Variants in HS1BP3 observed in about 807,000 individuals in gnomAD.
HS1BP3 encodes the protein HCLS1-binding protein 3.
A neutral mutation model predicts 33.5 loss-of-function variants in HS1BP3; 32 were observed. That is an observed-to-expected ratio of 0.95 (90% CI 0.72 to 1.28). The LOEUF is 1.28. Ranked by LOEUF, HS1BP3 falls within the 50% of genes most tolerant of loss-of-function variation. The probability of loss-of-function intolerance (pLI) is 0.00; values close to 1 mark genes in which losing one functional copy is unlikely to be tolerated. For synonymous variants in HS1BP3, 187 were observed against 209.2 expected, an observed-to-expected ratio of 0.89 and a Z score of 0.92; for missense variants, 486 against 502.3, an observed-to-expected ratio of 0.97 and a Z score of 0.31.
At chr2:20,648,460 G>A (rs1049266157) in intron 1 of HS1BP3, among the ~76,000 whole-genome samples, 3 of 152,138 alleles carry the variant, frequency 2.0e-5, no homozygotes, top group African/African-American at 7.2e-5. Flanking sequence ...GCAGCAGTGG[G>A]CACAGTCAGC....
At chr2:20,627,762 G>A (rs1006658709) in intron 4 of HS1BP3, among the ~76,000 whole-genome samples, 6 of 152,154 alleles carry the variant, frequency 3.9e-5, no homozygotes, top group Admixed American at 2.0e-4. Context: ...GGGGAATCAA[G>A]GAAGAAGCAG....
chr2:20,607,839 G>C (rs150109634), intron 2 of HS1BP3, among the ~76,000 whole-genome samples: 16 of 152,328 alleles, frequency 1.1e-4, no homozygotes, highest in African/African-American at 3.1e-4. Flanking sequence ...GATCTATTTG[G>C]AGATTACTGT....
downstream of HS1BP3, among the ~76,000 whole-genome samples, chr2:20,556,147 T>C (rs528415922): frequency 2.0e-5 from 3 of 152,358 alleles, no homozygotes; most frequent in South Asian, 6.2e-4. Flanking sequence ...TATGCTTAGA[T>C]CTTTATTTCA....
chr2:20,600,557 C>T (rs1475158289), intron 2 of HS1BP3, among the ~76,000 whole-genome samples: 1 of 152,124 alleles, frequency 6.6e-6, no homozygotes, highest in Non-Finnish European at 1.5e-5. Context: ...CAGACATTTG[C>T]GTAACACACA....
chr2:20,577,341 G>A (rs758326272), intron 5 of HS1BP3, among the ~76,000 whole-genome samples: 8 of 152,158 alleles, frequency 5.3e-5, no homozygotes, highest in Non-Finnish European at 1.2e-4. Context: ...AAGACCCAAG[G>A]CTAGTAGGCC....
chr2:20,648,853 C>A (rs756684623), intron 1 of HS1BP3, among the ~76,000 whole-genome samples: 10 of 152,248 alleles, frequency 6.6e-5, no homozygotes, highest in Non-Finnish European at 1.2e-4. Context: ...TGCTAAAGGG[C>A]AGCCTCATTC....
Position 20,593,799 on chromosome 2 carries a change from G to A in HS1BP3, c.*13-1005C>T, listed in dbSNP as rs184051028. The stretch of plus-strand genomic sequence containing the variant: ...GCTGCCCCTGCTGGTCCCTGGAGCC[G>A]CCACGGGGATGGAAGAGTGGGTCCT... On this transcript the variant is annotated intron_variant, in intron 3 of 3. Transcript: ENST00000415264. 4.6e-5 allele frequency among the ~76,000 whole-genome samples: 7 copies of A among 152,280 alleles called. No homozygotes were observed. The South Asian group carries it at 6.2e-4, about 14-fold the overall frequency.
At chr2:20,554,419 C>G in the HS1BP3 span, among the ~76,000 whole-genome samples, 1 of 152,204 alleles carries the variant, frequency 6.6e-6, no homozygotes, top group Admixed American at 6.5e-5. Flanking sequence ...CAAACACGCA[C>G]AAAGCTTAAG....
chr2:20,622,256 A>G, intron 6 of HS1BP3: 6 of 1,304,358 alleles, frequency 4.6e-6, no homozygotes, highest in Non-Finnish European at 6.1e-6. Context: ...GCAGACACAA[A>G]GAATGAATGT....
intron 6 of HS1BP3, among the ~76,000 whole-genome samples, chr2:20,621,394 T>G (rs1287561136): frequency 6.6e-6 from 1 of 152,252 alleles, no homozygotes; most frequent in African/African-American, 2.4e-5. Context: ...GGTGTCCTTC[T>G]TGAACAAACC....
chr2:20,578,189 A>G (rs921476070), intron 5 of HS1BP3, among the ~76,000 whole-genome samples: 2 of 149,758 alleles, frequency 1.3e-5, no homozygotes, highest in Non-Finnish European at 3.0e-5. Context: ...AGAGTGGCAC[A>G]GGGTGGGGGT....
At chr2:20,580,776 TA>T (rs1401253640) in intron 5 of HS1BP3, among the ~76,000 whole-genome samples, 1 of 151,962 alleles carries the variant, frequency 6.6e-6, no homozygotes, top group Non-Finnish European at 1.5e-5. Context: ...AAAGTGGGGG[TA>T]AAAGAAACCC....
In HS1BP3 at chr2:20,638,602, G is replaced by A. The variant is rs1436845715; in HGVS notation, c.457C>T (p.Leu153=). 2.5e-6 allele frequency: 4 copies of A among 1,614,218 alleles called. No individual in the cohort carries two copies. The Admixed American group carries it at 5.0e-5, about 20-fold the overall frequency. Residue 153 remains leucine (L), a synonymous_variant, in exon 4 of 7, where the codon CTG becomes TTG. Coordinates refer to ENST00000304031, the MANE Select transcript of HS1BP3 (RefSeq NM_022460.4). ...AGLTSRDSSV[L]DGTDSQTGND... is the part of the protein sequence containing the mutation. The stretch of plus-strand genomic sequence containing the variant: ...CCTGTCTGACTGTCTGTGCCATCCA[G>A]GACAGAGGAATCTCTGCTGGTGAGC...
downstream of HS1BP3, among the ~76,000 whole-genome samples, chr2:20,615,616 G>T (rs1026891534): frequency 3.3e-5 from 5 of 152,222 alleles, no homozygotes; most frequent in Non-Finnish European, 7.3e-5. Context: ...CATGCTGGTA[G>T]CTCTGTTACC....
At chr2:20,608,041 T>C (rs1414644771) in intron 2 of HS1BP3, among the ~76,000 whole-genome samples, 1 of 152,258 alleles carries the variant, frequency 6.6e-6, no homozygotes, top group Non-Finnish European at 1.5e-5. Flanking sequence ...TTCTTGATTT[T>C]CCTTTTGTAG....
At chr2:20,599,065 A>T (rs1572322457) in intron 2 of HS1BP3, among the ~76,000 whole-genome samples, 1 of 152,124 alleles carries the variant, frequency 6.6e-6, no homozygotes, top group Admixed American at 6.5e-5. Flanking sequence ...GGAGCCCACA[A>T]CCTCAGCACC....
intron 2 of HS1BP3, among the ~76,000 whole-genome samples, chr2:20,603,182 G>T (rs1036260643): frequency 2.0e-5 from 3 of 152,214 alleles, no homozygotes; most frequent in Non-Finnish European, 4.4e-5. Flanking sequence ...TCCTCAAAAA[G>T]TTAAACATAG....
chr2:20,599,754 G>A (rs545178212), intron 2 of HS1BP3, among the ~76,000 whole-genome samples: 4 of 152,140 alleles, frequency 2.6e-5, no homozygotes, highest in African/African-American at 9.6e-5. Flanking sequence ...GTGGGAGGTA[G>A]GGAGGGACTG....
At chr2:20,570,953 T>G (rs1316815590) in intron 5 of HS1BP3, among the ~76,000 whole-genome samples, 1 of 152,040 alleles carries the variant, frequency 6.6e-6, no homozygotes, top group Admixed American at 6.5e-5. Context: ...GATTTTATCC[T>G]AAAGGCACTA....
Sources: allele counts gnomAD v4.1 joint callset (sites outside exome capture counted in the v4.1 genomes callset), GRCh38; gene constraint gnomAD v4.1.1; transcripts MANE v1.5; gene names NCBI Gene and HGNC (gene_info 2026-07-23, HGNC 2026-07-21).